ATP8B1: variants seen among roughly 807,000 people sequenced by gnomAD.
ATP8B1 encodes the protein ATPase phospholipid transporting 8B1.
Under a neutral mutation model 149.9 loss-of-function variants are expected in ATP8B1, and 80 were observed. That is an observed-to-expected ratio of 0.53 (90% CI 0.45 to 0.64). ATP8B1 has a LOEUF of 0.64. Ranked by LOEUF, ATP8B1 falls within the 30% of genes least tolerant of loss-of-function variation. The pLI, the probability that ATP8B1 is intolerant of heterozygous loss-of-function variation, is 0.00. For synonymous variants in ATP8B1, 536 were observed against 562.8 expected (o/e 0.95, Z 0.67); for missense variants, 1,247 against 1,552.6 (o/e 0.80, Z 3.31).
rs2080597039 is a variant in ATP8B1 at position 57,802,963 on chromosome 18, G to C, written c.-26+35C>G. ...ACCGCCGGGCCAAGGGGCTTGGGAA[G>C]GTCTGGGGGCCCCCGGCGCCGCACC... On this transcript the variant is annotated intron_variant, in intron 1 of 27. Coordinates refer to ENST00000648908, the MANE Select transcript of ATP8B1 (RefSeq NM_001374385.1). The surrounding 1 kb of genome is among the most constrained non-coding windows in gnomAD (Gnocchi z 4.9). The C allele has an allele frequency of 6.6e-6, 1 of 152,200 alleles. No individual in the cohort carries two copies. Among genetic ancestry groups the C allele is most frequent in the Non-Finnish European group, 1.5e-5 (1 of 68,062 alleles). 9.4% of individuals were successfully genotyped at this position (152,200 alleles called of 1,614,324 possible).
At chr18:57,706,140 A>C (rs1913378903) in intron 3 of ATP8B1, among the ~76,000 whole-genome samples, 1 of 152,208 alleles carries the variant, frequency 6.6e-6, no homozygotes, top group African/African-American at 2.4e-5. Flanking sequence ...CAGGCAGAGA[A>C]GGGGAAGATA....
intron 1 of ATP8B1, among the ~76,000 whole-genome samples, chr18:57,795,635 T>C (rs1023094633): frequency 6.6e-6 from 1 of 152,180 alleles, no homozygotes; most frequent in African/African-American, 2.4e-5. Context: ...TGATTCCACT[T>C]AACCTGAGGT....
rs1252811854 is a variant in ATP8B1, at chr18:57,731,797, T to C, written c.11A>G (p.Glu4Gly). 6.2e-7 allele frequency: 1 copy of C among 1,613,940 alleles called. No homozygotes were observed. The highest frequency in any genetic ancestry group is 1.7e-5 in the Admixed American group (1 of 59,964). ...GTCAAATGTCGTTTCTGAGTCTCTT[T>C]CTGTACTCATTCTGCTGGCAAATTG... MST[E>G]RDSETTFDED... The change falls in exon 2 of 28, where the codon GAA becomes GGA. Residue 4 changes from glutamate (E) to glycine (G), a missense_variant. Coordinates refer to ENST00000648908, the MANE Select transcript of ATP8B1 (RefSeq NM_001374385.1).
intron 1 of ATP8B1, among the ~76,000 whole-genome samples, chr18:57,768,247 T>A (rs1374462594): frequency 6.6e-6 from 1 of 150,582 alleles, no homozygotes; most frequent in East Asian, 1.9e-4. Context: ...ATTAGCCAGG[T>A]GTGGTGGGGG....
intron 1 of ATP8B1, among the ~76,000 whole-genome samples, chr18:57,780,894 C>T (rs2080350469): frequency 1.3e-5 from 2 of 152,138 alleles, no homozygotes; most frequent in Non-Finnish European, 2.9e-5. Flanking sequence ...AGTCCAGCCT[C>T]GATAGCCACT....
At chr18:57,709,957 G>A (rs1913608958) in intron 2 of ATP8B1, among the ~76,000 whole-genome samples, 1 of 151,772 alleles carries the variant, frequency 6.6e-6, no homozygotes, top group Non-Finnish European at 1.5e-5. Flanking sequence ...TGGGATTACA[G>A]GCTTGAGTCA....
At chr18:57,770,176 C>A (rs2080252567) in intron 1 of ATP8B1, among the ~76,000 whole-genome samples, 1 of 151,028 alleles carries the variant, frequency 6.6e-6, no homozygotes, top group Non-Finnish European at 1.5e-5. Context: ...TCAAGCGATT[C>A]TCCTGCCTCA....
chr18:57,712,048 CAT>C (rs10622264), intron 2 of ATP8B1, among the ~76,000 whole-genome samples: 200 of 143,668 alleles, frequency 1.4e-3, no homozygotes, highest in African/African-American at 1.5e-3. Context: ...CCTCTATTGG[CAT>C]ATATATATAT....
intron 1 of ATP8B1, among the ~76,000 whole-genome samples, chr18:57,781,455 A>AT (rs1190131110): frequency 6.6e-6 from 1 of 152,114 alleles, no homozygotes; most frequent in Non-Finnish European, 1.5e-5. Context: ...AAAATTCTTT[A>AT]TTTTTACAAG....
Position 57,668,410 on chromosome 18 carries a change from T to G in ATP8B1, c.2209+19A>C, listed in dbSNP as rs1467495422. ...ATATTTGTGAATTAACAGATATGCT[T>G]CCCTGCACAATGAATTACCCTTTTT... On this transcript the variant is annotated intron_variant, in intron 19 of 27. Transcript: ENST00000648908. The G allele has an allele frequency of 2.6e-6, 4 of 1,561,392 alleles. No homozygotes were observed. Among genetic ancestry groups the G allele is most frequent in the Non-Finnish European group, 3.5e-6 (4 of 1,132,142 alleles).
chr18:57,782,224 T>G (rs2080362974), intron 1 of ATP8B1, among the ~76,000 whole-genome samples: 1 of 152,020 alleles, frequency 6.6e-6, no homozygotes, highest in South Asian at 2.1e-4. Flanking sequence ...GAAAATAAGA[T>G]GAAGCAATAG....
chr18:57,751,053 G>T (rs145763799), intron 1 of ATP8B1, among the ~76,000 whole-genome samples: 4,832 of 152,266 alleles, frequency 0.032, 229 homozygotes, highest in African/African-American at 0.11. Flanking sequence ...AGCCCAGGAG[G>T]CAGAGGTTGC....
intron 4 of ATP8B1, among the ~76,000 whole-genome samples, 191 bp from the exon 5 acceptor site, chr18:57,701,504 T>C (rs1412445395): frequency 1.3e-5 from 2 of 152,184 alleles, no homozygotes; most frequent in African/African-American, 4.8e-5. Context: ...CTCTCTAGCT[T>C]CTGGATACCT....
intron 1 of ATP8B1, among the ~76,000 whole-genome samples, chr18:57,756,875 G>T (rs2080090843): frequency 6.6e-6 from 1 of 152,172 alleles, no homozygotes; most frequent in South Asian, 2.1e-4. Context: ...CGTGTTGTTT[G>T]ATTTCTCCAC....
At chr18:57,656,532 T>C (rs1910009730) in intron 22 of ATP8B1, among the ~76,000 whole-genome samples, 3 of 151,728 alleles carry the variant, frequency 2.0e-5, no homozygotes, top group Admixed American at 6.6e-5. Context: ...ATTACAGATG[T>C]GCGCCACCAC....
At chr18:57,672,886 GTATA>G (rs1198919117) in intron 16 of ATP8B1, among the ~76,000 whole-genome samples, 69 of 14,056 alleles carry the variant, frequency 4.9e-3, no homozygotes, top group African/African-American at 0.015. Context: ...AAAAAAAAAA[GTATA>G]TATATATATA....
intron 1 of ATP8B1, among the ~76,000 whole-genome samples, chr18:57,800,506 C>T (rs2080563703): frequency 6.6e-6 from 1 of 152,016 alleles, no homozygotes; most frequent in South Asian, 2.1e-4. Context: ...GTGAATGTTG[C>T]TTATAAAAAA....
intron 1 of ATP8B1, among the ~76,000 whole-genome samples, chr18:57,789,464 CAT>C (rs1219263678): frequency 1.4e-4 from 21 of 152,270 alleles, no homozygotes; most frequent in South Asian, 8.3e-4. Context: ...GTCAATATAA[CAT>C]GTGGAAATAC....
rs112851704 is a variant in ATP8B1 at position 57,756,653 on chromosome 18, TTCTCTCTC to T, written c.-25-24829_-25-24822del. On this transcript the variant is annotated intron_variant, in intron 1 of 27. Coordinates refer to ENST00000648908, the MANE Select transcript of ATP8B1 (RefSeq NM_001374385.1). ...TGACATTAAAAGAATATGGTATTCCTTCTCTCTCTCTCTCTCTCTTTTTAAAACTGAAC... is the reference window on the plus strand; with the variant it reads ...TGACATTAAAAGAATATGGTATTCCTTCTCTCTCTCTTTTTAAAACTGAAC... Among the ~76,000 whole-genome samples, 28 of 149,202 alleles carry T rather than the reference TTCTCTCTC, an allele frequency of 1.9e-4. No homozygotes were observed. In the Admixed American group the frequency reaches 1.9e-3, roughly 10 times the overall value.
Sources: gnomAD v4.1 joint callset for allele counts (sites outside exome capture counted in the v4.1 genomes callset) on GRCh38, gnomAD v4.1.1 for gene constraint, Gnocchi (gnomAD v3.1) non-coding constraint, MANE v1.5 for transcripts, NCBI Gene and HGNC (gene_info 2026-07-23, HGNC 2026-07-21) for gene names.